CSTPP1: variants seen among roughly 807,000 people sequenced by gnomAD.
The protein encoded by CSTPP1 is centriolar satellite-associated tubulin polyglutamylase complex regulator 1.
the CSTPP1 span, among the ~76,000 whole-genome samples, chr11:46,968,662 C>A: frequency 1.3e-3 from 203 of 151,678 alleles, 1 homozygote; most frequent in South Asian, 5.4e-3. Context: ...GCACTTTGGG[C>A]GGCTGAGGCA....
the CSTPP1 span, among the ~76,000 whole-genome samples, chr11:46,948,535 T>C: frequency 6.6e-6 from 1 of 151,798 alleles, no homozygotes; most frequent in Non-Finnish European, 1.5e-5. Context: ...TTACATGGCA[T>C]AGTCACCTCT....
chr11:47,159,108 A>G, the CSTPP1 span, among the ~76,000 whole-genome samples: 1 of 152,214 alleles, frequency 6.6e-6, no homozygotes, highest in Non-Finnish European at 1.5e-5. Flanking sequence ...ACTGCATGCC[A>G]CCCACAGCCT....
chr11:47,162,027 G>A, the CSTPP1 span: 1 of 1,006,910 alleles, frequency 9.9e-7, no homozygotes, highest in Admixed American at 5.7e-5. Context: ...AACCCGAATA[G>A]CCACGCAGGG....
the CSTPP1 span, among the ~76,000 whole-genome samples, chr11:47,093,397 C>CTATT: frequency 6.6e-6 from 1 of 152,184 alleles, no homozygotes; most frequent in African/African-American, 2.4e-5. Flanking sequence ...TTGTCTTGCT[C>CTATT]TATTTATTCA....
chr11:47,081,490 C>G, the CSTPP1 span, among the ~76,000 whole-genome samples: 3 of 152,196 alleles, frequency 2.0e-5, no homozygotes, highest in African/African-American at 7.2e-5. Flanking sequence ...TGAGATTAAC[C>G]TACTCAAACT....
the CSTPP1 span, among the ~76,000 whole-genome samples, chr11:47,018,919 G>C: frequency 6.6e-6 from 1 of 152,112 alleles, no homozygotes; most frequent in East Asian, 1.9e-4. Flanking sequence ...ATATATTCTG[G>C]ATACAAGTCC....
the CSTPP1 span, among the ~76,000 whole-genome samples, chr11:46,984,723 T>G: frequency 3.3e-5 from 5 of 151,616 alleles, no homozygotes; most frequent in Non-Finnish European, 5.9e-5. Flanking sequence ...TAAGTAGAGC[T>G]CTTTCATTTC....
chr11:47,012,981 G>A, the CSTPP1 span, among the ~76,000 whole-genome samples: 1 of 137,810 alleles, frequency 7.3e-6, no homozygotes, highest in South Asian at 2.4e-4. Flanking sequence ...CTGTATTGGT[G>A]CGAGACAGAA....
At chr11:47,138,144 C>T in the CSTPP1 span, 5 of 176,490 alleles carry the variant, frequency 2.8e-5, no homozygotes, top group South Asian at 1.5e-4. Context: ...CTCACAGTTC[C>T]GCGTGGCCTC....
At chr11:47,038,775 A>G in the CSTPP1 span, among the ~76,000 whole-genome samples, 2 of 111,556 alleles carry the variant, frequency 1.8e-5, no homozygotes, top group Non-Finnish European at 2.1e-5. Flanking sequence ...GGGGCTCCTC[A>G]CTTCTCAGAT....
At chr11:47,133,628 T>C in the CSTPP1 span, among the ~76,000 whole-genome samples, 1 of 152,248 alleles carries the variant, frequency 6.6e-6, no homozygotes, top group Non-Finnish European at 1.5e-5. Context: ...GTTTCTTACA[T>C]GGAAAATCTC....
the CSTPP1 span, among the ~76,000 whole-genome samples, chr11:47,096,185 A>AT: frequency 6.6e-6 from 1 of 152,186 alleles, no homozygotes; most frequent in South Asian, 2.1e-4. Context: ...TAAGACACCA[A>AT]TTTTTTTATT....
the CSTPP1 span, among the ~76,000 whole-genome samples, chr11:47,026,532 A>G: frequency 1.3e-5 from 2 of 152,180 alleles, no homozygotes; most frequent in Non-Finnish European, 2.9e-5. Context: ...AATAAATACA[A>G]TTCATATCTT....
At chr11:47,141,876 T>C in the CSTPP1 span, among the ~76,000 whole-genome samples, 4 of 130,938 alleles carry the variant, frequency 3.1e-5, no homozygotes, top group Non-Finnish European at 6.1e-5. Context: ...GAGGTTGCAG[T>C]GAGCCGAGAT....
chr11:47,119,599 CTTCTTTTT>C, the CSTPP1 span, among the ~76,000 whole-genome samples: 3 of 137,174 alleles, frequency 2.2e-5, no homozygotes, highest in African/African-American at 8.2e-5. Context: ...ACACTGCCCA[CTTCTTTTT>C]TTTTTTTTTT....
chr11:47,124,829 G>T, the CSTPP1 span, among the ~76,000 whole-genome samples: 1 of 152,150 alleles, frequency 6.6e-6, no homozygotes, highest in Non-Finnish European at 1.5e-5. Context: ...ATGCCTGCCA[G>T]TCTCAGTGAA....
chr11:47,143,554 G>A, the CSTPP1 span, among the ~76,000 whole-genome samples: 126 of 152,302 alleles, frequency 8.3e-4, no homozygotes, highest in African/African-American at 2.7e-3. Context: ...TGGGGCAGCA[G>A]GTGTGAGCTG....
chr11:46,938,035 A>G, the CSTPP1 span, among the ~76,000 whole-genome samples: 3 of 151,556 alleles, frequency 2.0e-5, no homozygotes, highest in Non-Finnish European at 2.9e-5. Flanking sequence ...CCACCACGCC[A>G]GGTTAATTTT....
At chr11:47,054,798 AGGATTTGGTGATT>A in the CSTPP1 span, among the ~76,000 whole-genome samples, 1 of 152,192 alleles carries the variant, frequency 6.6e-6, no homozygotes, top group Non-Finnish European at 1.5e-5. Context: ...TAGAATCCAT[AGGATTTGGTGATT>A]GGATTTGGCA....
Sources: gnomAD v4.1 joint callset for allele counts (sites outside exome capture counted in the v4.1 genomes callset) on GRCh38, gnomAD v4.1.1 for gene constraint, MANE v1.5 for transcripts, NCBI Gene and HGNC (gene_info 2026-07-23, HGNC 2026-07-21) for gene names.